The following EDF1 variants were observed in gnomAD, a reference collection of about 807,000 sequenced individuals.
The protein encoded by EDF1 is endothelial differentiation-related factor 1.
Under a neutral mutation model 20.8 loss-of-function variants are expected in EDF1, and 5 were observed. The ratio of observed to expected loss-of-function variants is 0.24; its 90% CI spans 0.13 to 0.51. The LOEUF is 0.51. Ranked by LOEUF, EDF1 falls within the 20% of genes least tolerant of loss-of-function variation. The pLI is 0.97. For synonymous variants in EDF1, 96 were observed against 78.5 expected (o/e 1.22, Z -1.18); for missense variants, 137 against 197.8 (o/e 0.69, Z 1.84).
At position 136,863,166 on chromosome 9, in the gene EDF1, C is replaced by G. The variant is rs529058660; in HGVS notation, c.291+122G>C. 3.3e-6 allele frequency: 5 copies of G among 1,531,708 alleles called. No individual in the cohort carries two copies. The highest frequency in any genetic ancestry group is 1.8e-5 in the Admixed American group (1 of 56,854). 94.9% of individuals were successfully genotyped at this position (1,531,708 alleles called of 1,614,324 possible). ...TGAGAGCCGGGCTGACCTGGCTTCC[C>G]GAGGCATTCCCTGCAGGGGAACCAG... On this transcript the variant is annotated intron_variant, in intron 3 of 4. Transcript: ENST00000224073. The surrounding 1 kb of genome is among the most constrained non-coding windows in gnomAD (Gnocchi z 4.5).
At position 136,863,471 on chromosome 9, in the gene EDF1, G is replaced by C. The variant is rs545385059; in HGVS notation, c.131-23C>G. ...CCCCTGGAGTCGGTGTGAGGCAAAA[G>C]CAGAGGAGAGGATTTGGAATTAACC... On this transcript the variant is annotated intron_variant, in intron 2 of 4. Coordinates refer to ENST00000224073, the MANE Select transcript of EDF1 (RefSeq NM_003792.4). The surrounding 1 kb of genome is among the most constrained non-coding windows in gnomAD (Gnocchi z 4.5). 3 of 1,604,552 alleles carry C rather than the reference G, an allele frequency of 1.9e-6. No homozygotes were observed. In the East Asian group the frequency reaches 6.7e-5, roughly 36 times the overall value.
Position 136,866,207 on chromosome 9 carries a change from T to G in EDF1, c.52A>C (p.Thr18Pro). Residue 18 changes from threonine to proline, a missense_variant, in exon 1 of 5, where the codon ACG (threonine) becomes CCG (proline). Physicochemically the swap from Thr to Pro is conservative, Grantham distance 38. Transcript: ENST00000224073. ...TGCTTGGATTTGGCCTGGGCGGCCG[T>G]AGGGCCCTTCTTGCGCAGCACCGTC... ...TVTVLRKKGP[T>P]AAQAKSKQAI... is the part of the protein sequence containing the mutation. The G allele has an allele frequency of 6.2e-7, 1 of 1,601,748 alleles. No individual in the cohort carries two copies. The highest frequency in any genetic ancestry group is 1.1e-5 in the South Asian group (1 of 89,562).
rs1849151548 is a variant in EDF1, at chr9:136,863,424, T to C, written c.155A>G (p.His52Arg). The C allele has an allele frequency of 6.2e-7, 1 of 1,613,918 alleles. No individual in the cohort carries two copies. Among genetic ancestry groups the C allele is most frequent in the Non-Finnish European group, 8.5e-7 (1 of 1,179,936 alleles). ...KKWAAGQNKQ[H>R]SITKNTAKLD... ...CTTGGCCGTGTTCTTGGTAATAGAA[T>C]GTTGTTTGTTCTGGCCAGCAGCCCC... The change falls in exon 3 of 5, where the codon CAT becomes CGT. Residue 52 changes from histidine (H) to arginine (R), a missense_variant. By Grantham distance (29) the His-to-Arg change is conservative (BLOSUM62 0). Transcript: ENST00000224073. The surrounding 1 kb of genome is among the most constrained non-coding windows in gnomAD (Gnocchi z 4.5).
Position 136,863,275 on chromosome 9 carries a change from G to A in EDF1, c.291+13C>T, listed in dbSNP as rs200754646. 1,121 of 1,607,552 alleles carry A rather than the reference G, an allele frequency of 7.0e-4. 4 individuals are homozygous for A. Among genetic ancestry groups the A allele is most frequent in the Non-Finnish European group, 9.1e-4 (1,071 of 1,177,554 alleles). ...CCACAACCCCAGGAGTGAGAGCCCCGGCGCAGCCTCACCGTGGCCAGGTCC... is the reference window on the plus strand; with the variant it reads ...CCACAACCCCAGGAGTGAGAGCCCCAGCGCAGCCTCACCGTGGCCAGGTCC... On this transcript the variant is annotated intron_variant, in intron 3 of 4. Coordinates refer to ENST00000224073, the MANE Select transcript of EDF1 (RefSeq NM_003792.4). This position sits in a 1 kb window ranked among gnomAD's most constrained non-coding sequence, Gnocchi z 4.5.
At chr9:136,865,026 A>G (rs891188572) in intron 1 of EDF1, among the ~76,000 whole-genome samples, 10 of 152,204 alleles carry the variant, frequency 6.6e-5, no homozygotes, top group Non-Finnish European at 1.2e-4. Context: ...GCTTGTGGCC[A>G]TTAAGTTTCC....
rs1554775213 is a variant in EDF1, at chr9:136,863,839, A to G, written c.111T>C (p.Asp37=). 4 of 1,613,984 alleles carry G rather than the reference A, an allele frequency of 2.5e-6. No individual in the cohort carries two copies. ...ACCTACATTTCTTGGAAGTCTCCAC[A>G]TCTTCTCCTCGTCTCTGTGCCGCTA... The part of the protein sequence containing the change: ...AILAAQRRGE[D]VETSKKWAAG... The change falls in exon 2 of 5, where the codon GAT becomes GAC. Residue 37 remains aspartate (D), a synonymous_variant. Transcript: ENST00000224073. The surrounding 1 kb of genome is among the most constrained non-coding windows in gnomAD (Gnocchi z 4.5).
chr9:136,866,119 T>C, intron 1 of EDF1, 62 bp downstream of exon 1: 1 of 1,516,582 alleles, frequency 6.6e-7, no homozygotes, highest in Admixed American at 2.0e-5. Flanking sequence ...TGCCCCACGG[T>C]CCGTGGCCCC....
At chr9:136,864,022 C>T in intron 1 of EDF1, 151 bp from the exon 2 acceptor site, 3 of 759,254 alleles carry the variant, frequency 4.0e-6, no homozygotes, top group South Asian at 1.7e-5. Flanking sequence ...GTTACCTAAG[C>T]TCAACTAGGC....
At chr9:136,866,080 A>G in intron 1 of EDF1, 101 bp downstream of exon 1, 11 of 1,060,386 alleles carry the variant, frequency 1.0e-5, no homozygotes, top group Non-Finnish European at 2.4e-6. Context: ...GCCCTGTCCC[A>G]GGCCCCGCCT....
In EDF1 at chr9:136,862,677, G is replaced by GC. The variant is rs1849127821; in HGVS notation, c.385+228dup. The stretch of plus-strand genomic sequence containing the variant: ...CAACAGCACAGGCTGACGGGAACTG[G>GC]CAAGGGGAAGGGACTCGGACTCCAC... On this transcript the variant is annotated intron_variant, in intron 4 of 4. Coordinates refer to ENST00000224073, the MANE Select transcript of EDF1 (RefSeq NM_003792.4). This position sits in a 1 kb window ranked among gnomAD's most constrained non-coding sequence, Gnocchi z 4.1. 1.3e-6 allele frequency: 2 copies of GC among 1,490,880 alleles called. No individual in the cohort carries two copies. The highest frequency in any genetic ancestry group is 2.8e-5 in the African/African-American group (2 of 71,766). The allele number at this position is 1,490,880 out of a possible 1,614,324, so 92.4% of individuals were successfully genotyped here. A position where few individuals can be genotyped will look rare whatever the true frequency, so the allele number is the denominator to read the frequency against.
In EDF1 at chr9:136,863,160, G is replaced by A. The variant is rs773991320; in HGVS notation, c.291+128C>T. 1.6e-5 allele frequency: 24 copies of A among 1,520,970 alleles called. No homozygotes were observed. Among genetic ancestry groups the A allele is most frequent in the Non-Finnish European group, 1.7e-5 (19 of 1,123,834 alleles). The allele number at this position is 1,520,970 out of a possible 1,614,324, so 94.2% of individuals were successfully genotyped here. On this transcript the variant is annotated intron_variant, in intron 3 of 4. Transcript: ENST00000224073. The surrounding 1 kb of genome is among the most constrained non-coding windows in gnomAD (Gnocchi z 4.5). Reference sequence around the variant, plus strand: ...AGGCAGTGAGAGCCGGGCTGACCTGGCTTCCCGAGGCATTCCCTGCAGGGG... The same window carrying A: ...AGGCAGTGAGAGCCGGGCTGACCTGACTTCCCGAGGCATTCCCTGCAGGGG...
chr9:136,863,969 A>ACT lies in EDF1; in HGVS notation c.79-99_79-98insAG. On this transcript the variant is annotated intron_variant, in intron 1 of 4. Transcript: ENST00000224073. This position sits in a 1 kb window ranked among gnomAD's most constrained non-coding sequence, Gnocchi z 4.5. ...CTGTTAGCCAGTTAGCACACTGCTA[A>ACT]GGACTAGTGGTGCCCAAGGACTGAT... The ACT allele has an allele frequency of 1.5e-6, 2 of 1,312,188 alleles. No homozygotes were observed. The highest frequency in any genetic ancestry group is 1.2e-5 in the South Asian group (1 of 82,306). The allele number at this position is 1,312,188 out of a possible 1,614,324, so 81.3% of individuals were successfully genotyped here. A position where few individuals can be genotyped will look rare whatever the true frequency, so the allele number is the denominator to read the frequency against.
chr9:136,865,111 T>A (rs1272391785), intron 1 of EDF1, among the ~76,000 whole-genome samples: 1 of 152,158 alleles, frequency 6.6e-6, no homozygotes, highest in East Asian at 1.9e-4. Context: ...TGAATCCCTG[T>A]CACCAGAGCC....
At position 136,863,012 on chromosome 9, in the gene EDF1, T is replaced by C. The variant is rs974953772; in HGVS notation, c.292-13A>G. ...TCTCATTGATTTTCTAAAGAGAAGA[T>C]GTGCTTTATACACATCAGCTCCACT... On this transcript the variant is annotated splice_polypyrimidine_tract_variant and intron_variant, in intron 3 of 4. Coordinates refer to ENST00000224073, the MANE Select transcript of EDF1 (RefSeq NM_003792.4). The surrounding 1 kb of genome is among the most constrained non-coding windows in gnomAD (Gnocchi z 4.5). The C allele has an allele frequency of 9.3e-6, 15 of 1,613,648 alleles. No individual in the cohort carries two copies. Among genetic ancestry groups the C allele is most frequent in the East Asian group, 2.2e-5 (1 of 44,892 alleles).
At chr9:136,866,038 C>A in intron 1 of EDF1, 143 bp downstream of exon 1, 1 of 781,406 alleles carries the variant, frequency 1.3e-6, no homozygotes, top group Non-Finnish European at 1.9e-6. Flanking sequence ...CCGTCCTGCC[C>A]CCGGCACCCC....
chr9:136,866,235 C>A lies in EDF1; in HGVS notation c.24G>T (p.Thr8=). The part of the protein sequence containing the change: MAESDWD[T]VTVLRKKGPT... ...GGCCCTTCTTGCGCAGCACCGTCAC[C>A]GTGTCCCAGTCGCTCTCGGCCATGG... Residue 8 remains threonine, a synonymous_variant, in exon 1 of 5, where the codon ACG becomes ACT. Coordinates refer to ENST00000224073, the MANE Select transcript of EDF1 (RefSeq NM_003792.4). The A allele has an allele frequency of 1.2e-6, 2 of 1,600,824 alleles. No homozygotes were observed. Among genetic ancestry groups the A allele is most frequent in the South Asian group, 1.1e-5 (1 of 89,376 alleles).
At position 136,866,265 on chromosome 9, in the gene EDF1, C is replaced by T; in HGVS notation, c.-7G>A. 1 of 1,593,100 alleles carries T rather than the reference C, an allele frequency of 6.3e-7. No individual in the cohort carries two copies. Among genetic ancestry groups the T allele is most frequent in the African/African-American group, 1.4e-5 (1 of 72,356 alleles). Reference sequence around the variant, plus strand: ...CCCAGTCGCTCTCGGCCATGGCGGGCGAAGACGAGCGTCCGTCCGGCGGCT... The same window carrying T: ...CCCAGTCGCTCTCGGCCATGGCGGGTGAAGACGAGCGTCCGTCCGGCGGCT... On this transcript the variant is annotated 5_prime_UTR_variant, in exon 1 of 5. Coordinates refer to ENST00000224073, the MANE Select transcript of EDF1 (RefSeq NM_003792.4).
chr9:136,863,694 G>A lies in EDF1; in HGVS notation c.130+126C>T, dbSNP rs890132065. 34 of 1,266,636 alleles carry A rather than the reference G, an allele frequency of 2.7e-5. No individual in the cohort carries two copies. The highest frequency in any genetic ancestry group is 9.2e-5 in the Admixed American group (5 of 54,552). 78.5% of individuals were successfully genotyped at this position (1,266,636 alleles called of 1,614,324 possible). On this transcript the variant is annotated intron_variant, in intron 2 of 4. Coordinates refer to ENST00000224073, the MANE Select transcript of EDF1 (RefSeq NM_003792.4). This position sits in a 1 kb window ranked among gnomAD's most constrained non-coding sequence, Gnocchi z 4.5. ...GAAGATGGCTGCCTCCCAGGGCTCC[G>A]GCCAGCACCGGTGCAGGCAGGCACT... is the stretch of plus-strand genomic sequence containing the variant.
intron 1 of EDF1, 120 bp downstream of exon 1, chr9:136,866,061 G>A (rs1455966589): frequency 7.7e-6 from 4 of 520,884 alleles, no homozygotes; most frequent in South Asian, 4.2e-5. Flanking sequence ...CCTTGTCCCC[G>A]TCCCCTGCGC....
Sources: allele counts gnomAD v4.1 joint callset (sites outside exome capture counted in the v4.1 genomes callset), GRCh38; gene constraint gnomAD v4.1.1; non-coding constraint Gnocchi (gnomAD v3.1); transcripts MANE v1.5; gene names NCBI Gene and HGNC (gene_info 2026-07-23, HGNC 2026-07-21).